Variants in RPS6KA2 observed in about 807,000 individuals in gnomAD.
RPS6KA2 encodes ribosomal protein S6 kinase A2, also known as ribosomal protein S6 kinase alpha-2.
Under a neutral mutation model 91.8 loss-of-function variants are expected in RPS6KA2, and 42 were observed. The observed-to-expected ratio is 0.46, with a 90% CI of 0.36 to 0.59. The LOEUF is 0.59. RPS6KA2 is among the 20% of genes least tolerant of loss of function. RPS6KA2 has a pLI of 0.00. For missense variants in RPS6KA2, 798 were observed against 978.5 expected, an observed-to-expected ratio of 0.82 and a Z score of 2.46; for synonymous variants, 414 against 393.6, an observed-to-expected ratio of 1.05 and a Z score of -0.61.
At chr6:166,681,697 C>CACCCCCCA (rs1562380156) in intron 2 of RPS6KA2, among the ~76,000 whole-genome samples, 1 of 74,238 alleles carries the variant, frequency 1.3e-5, no homozygotes, top group African/African-American at 6.7e-5. Context: ...CCCGCCCCCC[C>CACCCCCCA]CCCCGCCCCC....
upstream of RPS6KA2, among the ~76,000 whole-genome samples, chr6:166,630,619 A>G (rs190729416): frequency 3.3e-5 from 5 of 152,336 alleles, no homozygotes; most frequent in East Asian, 3.9e-4. Flanking sequence ...GGCTCTGCCC[A>G]TCACAGGCAT....
chr6:166,471,944 C>T (rs966558181), intron 10 of RPS6KA2, among the ~76,000 whole-genome samples: 11 of 152,228 alleles, frequency 7.2e-5, no homozygotes, highest in African/African-American at 1.9e-4. Flanking sequence ...CCTTCGCAGG[C>T]GCACCAGTGG....
At chr6:166,504,747 C>T (rs533683095) in intron 5 of RPS6KA2, 135 bp from the exon 6 acceptor site, 4 of 594,400 alleles carry the variant, frequency 6.7e-6, no homozygotes, top group South Asian at 4.1e-5. Context: ...CTATGGCCCC[C>T]CAGAGTGGTC....
At position 166,412,657 on chromosome 6, in the gene RPS6KA2, C is replaced by T. The variant is rs937609837; in HGVS notation, c.*105G>A. 93 of 1,200,358 alleles carry T rather than the reference C, an allele frequency of 7.7e-5. No individual in the cohort carries two copies. Among genetic ancestry groups the T allele is most frequent in the Non-Finnish European group, 1.0e-4 (90 of 882,582 alleles). 74.4% of individuals were successfully genotyped at this position (1,200,358 alleles called of 1,614,324 possible). ...ACACGGCGAGGGCGGGCGCCGCCTC[C>T]CTGCTGGACTTGTGGTCACTCTGGG... On this transcript the variant is annotated 3_prime_UTR_variant, in exon 21 of 21. Transcript: ENST00000265678. This position sits in a 1 kb window ranked among gnomAD's most constrained non-coding sequence, Gnocchi z 4.3.
At chr6:166,613,037 G>C (rs1433175670) in intron 1 of RPS6KA2, among the ~76,000 whole-genome samples, 1 of 152,226 alleles carries the variant, frequency 6.6e-6, no homozygotes, top group Non-Finnish European at 1.5e-5. Flanking sequence ...CATTTGGGTG[G>C]ACTTTTCAGG....
intron 2 of RPS6KA2, among the ~76,000 whole-genome samples, chr6:166,776,184 G>A (rs962960304): frequency 1.6e-4 from 24 of 152,298 alleles, no homozygotes; most frequent in Non-Finnish European, 2.9e-4. Context: ...AAGACGCCAG[G>A]CAGAAATGAC....
chr6:166,526,932 C>A (rs16899071), intron 3 of RPS6KA2, among the ~76,000 whole-genome samples: 6,793 of 152,290 alleles, frequency 0.045, 475 homozygotes, highest in African/African-American at 0.15. Flanking sequence ...TTTAACAATA[C>A]CATGATTATT....
chr6:166,633,507 C>T (rs1460767841), intron 2 of RPS6KA2, among the ~76,000 whole-genome samples: 1 of 152,246 alleles, frequency 6.6e-6, no homozygotes, highest in East Asian at 1.9e-4. Context: ...GAAAATAAAT[C>T]TTCTCGTTGA....
In RPS6KA2 at chr6:166,626,818, C is replaced by T. The variant is rs1786897371; in HGVS notation, c.99+103G>A. On this transcript the variant is annotated intron_variant, in intron 1 of 20. Transcript: ENST00000265678. The surrounding 1 kb of genome is among the most constrained non-coding windows in gnomAD (Gnocchi z 4.1). ...ACCAGCTTTCCAGTAACTTGAACTC[C>T]CTGACGGGTCTCGGGGTCCACCCAG... 2 of 974,118 alleles carry T rather than the reference C, an allele frequency of 2.1e-6. No individual in the cohort carries two copies. Among genetic ancestry groups the T allele is most frequent in the African/African-American group, 3.4e-5 (2 of 58,806 alleles). The allele number at this position is 974,118 out of a possible 1,614,324, so 60.3% of individuals were successfully genotyped here.
At chr6:166,649,026 C>T (rs1335894099) in intron 2 of RPS6KA2, among the ~76,000 whole-genome samples, 1 of 152,204 alleles carries the variant, frequency 6.6e-6, no homozygotes, top group Non-Finnish European at 1.5e-5. Context: ...CATTATCCCT[C>T]TCCACTGCTC....
At chr6:166,799,723 C>T (rs1163960434) in intron 2 of RPS6KA2, among the ~76,000 whole-genome samples, 3 of 151,612 alleles carry the variant, frequency 2.0e-5, no homozygotes, top group African/African-American at 7.3e-5. Flanking sequence ...AGAAGATATA[C>T]CTTTTTCAAC....
intron 19 of RPS6KA2, 21 bp from the exon 20 acceptor site, chr6:166,413,952 A>C (rs200129564): frequency 5.5e-5 from 89 of 1,610,582 alleles, no homozygotes; most frequent in Non-Finnish European, 7.5e-5. Context: ...AGGTCATGAG[A>C]GTCGGGGGGA....
At position 166,821,729 on chromosome 6, in the gene RPS6KA2, G is replaced by A. The variant is rs1400674019; in HGVS notation, c.123+36471C>T. ...AACTTCCCTTCACTTTAAAAACCAT[G>A]TTTGCTGAGGATGCCCAGTAGTAAG... On this transcript the variant is annotated intron_variant, in intron 2 of 21. Coordinates refer to the RPS6KA2 transcript ENST00000503859. The surrounding 1 kb of genome is among the most constrained non-coding windows in gnomAD (Gnocchi z 4.1). Among the ~76,000 whole-genome samples, 2 of 152,030 alleles carry A rather than the reference G, an allele frequency of 1.3e-5. No homozygotes were observed. The highest frequency in any genetic ancestry group is 2.4e-5 in the African/African-American group (1 of 41,378).
At chr6:166,659,220 CA>C (rs1788088615) in intron 2 of RPS6KA2, among the ~76,000 whole-genome samples, 1 of 152,186 alleles carries the variant, frequency 6.6e-6, no homozygotes, top group Non-Finnish European at 1.5e-5. Context: ...TGCCATTTCC[CA>C]ATTTCAGCCC....
At position 166,648,015 on chromosome 6, in the gene RPS6KA2, TACAC is replaced by T. The variant is rs527448873; in HGVS notation, c.124-109235_124-109232del. ...GCACATGCTCACACACGCACATGCT[TACAC>T]ACATACATACACACATGCTCTCACA... On this transcript the variant is annotated intron_variant, in intron 2 of 21. Coordinates refer to the RPS6KA2 transcript ENST00000503859. This position sits in a 1 kb window ranked among gnomAD's most constrained non-coding sequence, Gnocchi z 4.8. Among the ~76,000 whole-genome samples the T allele has an allele frequency of 5.6e-5, 6 of 107,030 alleles. No individual in the cohort carries two copies. Among genetic ancestry groups the T allele is most frequent in the East Asian group, 6.3e-4 (2 of 3,166 alleles). 70.2% of individuals were successfully genotyped at this position (107,030 alleles called of 152,430 possible). A position where few individuals can be genotyped will look rare whatever the true frequency, so the allele number is the denominator to read the frequency against.
At chr6:166,568,699 AAC>A (rs1784584906) in intron 1 of RPS6KA2, among the ~76,000 whole-genome samples, 1 of 147,408 alleles carries the variant, frequency 6.8e-6, no homozygotes, top group Non-Finnish European at 1.5e-5. Context: ...TTGGGGCTGA[AAC>A]ACATAAGACT....
At chr6:166,561,616 T>A (rs918161555) in intron 1 of RPS6KA2, among the ~76,000 whole-genome samples, 1 of 151,882 alleles carries the variant, frequency 6.6e-6, no homozygotes, top group Non-Finnish European at 1.5e-5. Context: ...GCAAGACGGC[T>A]GAAGGGGTAT....
intron 2 of RPS6KA2, chr6:166,757,543 C>T (rs1424121628): frequency 2.2e-6 from 1 of 456,332 alleles, no homozygotes; most frequent in East Asian, 6.9e-5. Flanking sequence ...GAGGAACAGT[C>T]TCTGCAGCTT....
chr6:166,640,778 A>G (rs1562358811), intron 2 of RPS6KA2, among the ~76,000 whole-genome samples: 1 of 146,714 alleles, frequency 6.8e-6, no homozygotes, highest in Non-Finnish European at 1.5e-5. Flanking sequence ...AGTCTCTGCC[A>G]TCTAGACCAG....
Sources: allele counts gnomAD v4.1 joint callset (sites outside exome capture counted in the v4.1 genomes callset), GRCh38; gene constraint gnomAD v4.1.1; non-coding constraint Gnocchi (gnomAD v3.1); transcripts MANE v1.5; gene names NCBI Gene and HGNC (gene_info 2026-07-23, HGNC 2026-07-21).